The following HNRNPM variants were observed in gnomAD, a reference collection of about 807,000 sequenced individuals.
HNRNPM encodes heterogeneous nuclear ribonucleoprotein M, also known as CEA receptor.
A neutral mutation model predicts 73.1 loss-of-function variants in HNRNPM; 11 were observed. That is an observed-to-expected ratio of 0.15 (90% CI 0.09 to 0.25). The LOEUF is 0.25. HNRNPM is among the 10% of genes least tolerant of loss of function. The pLI, the probability that HNRNPM is intolerant of heterozygous loss-of-function variation, is 1.00. For missense variants in HNRNPM, 789 were observed against 1,067.9 expected (o/e 0.74, Z 3.64); for synonymous variants, 407 against 355.2 (o/e 1.15, Z -1.64).
At chr19:8,454,547 G>GTGTA (rs1339938285) in intron 1 of HNRNPM, among the ~76,000 whole-genome samples, 1 of 152,124 alleles carries the variant, frequency 6.6e-6, no homozygotes, top group African/African-American at 2.4e-5. Flanking sequence ...ATTGGCATAT[G>GTGTA]TGTATGAGTC....
intron 15 of HNRNPM, chr19:8,487,917 C>T (rs924068765): frequency 1.3e-5 from 2 of 152,496 alleles, no homozygotes; most frequent in Non-Finnish European, 2.9e-5. Flanking sequence ...TTTGCAATGC[C>T]TGGAGCGGCC....
At chr19:8,485,284 A>C (rs1404630327) in intron 13 of HNRNPM, among the ~76,000 whole-genome samples, 2 of 152,038 alleles carry the variant, frequency 1.3e-5, no homozygotes, top group Non-Finnish European at 1.5e-5. Context: ...GAAACCTCAG[A>C]TGTCTCAGGA....
In HNRNPM at chr19:8,466,334, C is replaced by T. The variant is rs951189809; in HGVS notation, c.730C>T (p.Arg244Cys). The part of the protein sequence containing the change: ...DILEDKDGKS[R>C]GIGTVTFEQS... ...TCTTGAAGATAAAGATGGAAAAAGT[C>T]GTGGAATAGGCACTGTTACTTTTGA... Residue 244 changes from arginine (R) to cysteine (C), a missense_variant, in exon 7 of 16, where the codon CGT (arginine) becomes TGT (cysteine). By Grantham distance (180) the Arg-to-Cys change is radical. This residue lies in a region of HNRNPM where 604 missense variants were observed against 744.0 expected (regional missense o/e 0.81). Transcript: ENST00000325495. 1.2e-6 allele frequency: 2 copies of T among 1,613,968 alleles called. No homozygotes were observed. The highest frequency in any genetic ancestry group is 1.7e-5 in the Admixed American group (1 of 59,994).
chr19:8,487,260 G>A (rs1265767015), intron 15 of HNRNPM, 185 bp downstream of exon 15: 3 of 645,702 alleles, frequency 4.6e-6, no homozygotes, highest in Admixed American at 5.3e-5. Flanking sequence ...ATGTTTTTCA[G>A]CTGTGTTCTC....
chr19:8,486,516 C>CCTTG lies in HNRNPM; in HGVS notation c.1977+113_1977+116dup, dbSNP rs1292100522. On this transcript the variant is annotated intron_variant, in intron 14 of 15. Transcript: ENST00000325495. ...GCGCCCTTCAAAGGGGACCACACCT[C>CCTTG]CTTGCCACTGTCCCAAACGTTTTAT... The CCTTG allele has an allele frequency of 4.2e-5, 36 of 864,468 alleles. 1 individual carries two copies. Among genetic ancestry groups the CCTTG allele is most frequent in the Non-Finnish European group, 4.6e-5 (26 of 570,870 alleles). The allele number at this position is 864,468 out of a possible 1,614,324, so 53.5% of individuals were successfully genotyped here. A position where few individuals can be genotyped will look rare whatever the true frequency, so the allele number is the denominator to read the frequency against.
chr19:8,468,456 T>C (rs971150167), intron 8 of HNRNPM, among the ~76,000 whole-genome samples: 11 of 152,150 alleles, frequency 7.2e-5, no homozygotes, highest in African/African-American at 2.4e-4. Context: ...ATAGAGTAGG[T>C]AAGTTTTTTG....
chr19:8,486,519 T>C (rs1456903303), intron 14 of HNRNPM, 114 bp downstream of exon 14: 1 of 850,414 alleles, frequency 1.2e-6, no homozygotes, highest in Non-Finnish European at 1.8e-6. Flanking sequence ...CACACCTCCT[T>C]GCCACTGTCC....
chr19:8,474,083 T>C (rs144818418), intron 11 of HNRNPM, 84 bp from the exon 12 acceptor site: 1 of 1,005,940 alleles, frequency 9.9e-7, no homozygotes, highest in East Asian at 2.8e-5. Flanking sequence ...ATACCCCAGT[T>C]GAAACATGTG....
At chr19:8,448,022 T>C (rs1968333881) in intron 1 of HNRNPM, among the ~76,000 whole-genome samples, 2 of 152,078 alleles carry the variant, frequency 1.3e-5, no homozygotes, top group African/African-American at 2.4e-5. Flanking sequence ...CGATACTCCT[T>C]CTTCAAACAA....
chr19:8,468,802 T>C lies in HNRNPM; in HGVS notation c.863T>C (p.Phe288Ser), dbSNP rs1347668358. 2.5e-6 allele frequency: 4 copies of C among 1,613,894 alleles called. No individual in the cohort carries two copies. Among genetic ancestry groups the C allele is most frequent in the Non-Finnish European group, 3.4e-6 (4 of 1,179,742 alleles). ...GAGAGGGCCTTACCAAAAGGAGATT[T>C]CTTCCCTCCTGAGCGTCCACAACAA... ...MDERALPKGDFFPPERPQQLP... is the reference protein window; with the variant it reads ...MDERALPKGDSFPPERPQQLP... The change falls in exon 9 of 16, where the codon TTC (phenylalanine) becomes TCC (serine). Residue 288 changes from phenylalanine to serine, a missense_variant. Around this residue, in one of 4 missense-constraint regions of HNRNPM, gnomAD observed 604 missense variants for 744.0 expected, o/e 0.81. Coordinates refer to ENST00000325495, the MANE Select transcript of HNRNPM (RefSeq NM_005968.5).
intron 12 of HNRNPM, among the ~76,000 whole-genome samples, chr19:8,479,493 GTCTC>G (rs954986256): frequency 3.3e-5 from 5 of 152,018 alleles, no homozygotes; most frequent in African/African-American, 9.7e-5. Context: ...TTTTAATACA[GTCTC>G]TCCCTGTCAT....
intron 13 of HNRNPM, among the ~76,000 whole-genome samples, chr19:8,484,793 G>A (rs562788357): frequency 1.5e-4 from 23 of 152,154 alleles, no homozygotes; most frequent in Non-Finnish European, 2.8e-4. Context: ...CCCCAAACTC[G>A]GCATGTGGAA....
chr19:8,457,203 G>A (rs1969084360), intron 2 of HNRNPM, among the ~76,000 whole-genome samples: 1 of 152,132 alleles, frequency 6.6e-6, no homozygotes, highest in South Asian at 2.1e-4. Context: ...AACCAGTTTT[G>A]GGACATGCTG....
At chr19:8,480,794 G>C (rs940789014) in intron 12 of HNRNPM, among the ~76,000 whole-genome samples, 4 of 152,172 alleles carry the variant, frequency 2.6e-5, no homozygotes, top group Non-Finnish European at 5.9e-5. Flanking sequence ...GAGTGGCACA[G>C]AGAGGTGGAT....
Position 8,483,197 on chromosome 19 carries a change from C to T in HNRNPM, c.1160C>T (p.Ala387Val). Residue 387 changes from alanine (A) to valine (V), a missense_variant, in exon 13 of 16, where the codon GCA becomes GTA. Coordinates refer to ENST00000325495, the MANE Select transcript of HNRNPM (RefSeq NM_005968.5). Reference protein sequence around the residue: ...SNALKRGEIIAKQGGGGGGGS... With the variant: ...SNALKRGEIIVKQGGGGGGGS... Reference sequence around the variant, plus strand: ...GCACTGAAGAGAGGAGAGATCATTGCAAAGCAGGGAGGAGGTAGGAACCGC... The same window carrying T: ...GCACTGAAGAGAGGAGAGATCATTGTAAAGCAGGGAGGAGGTAGGAACCGC... 6.2e-7 allele frequency: 1 copy of T among 1,612,194 alleles called. No individual in the cohort carries two copies. Among genetic ancestry groups the T allele is most frequent in the Non-Finnish European group, 8.5e-7 (1 of 1,178,668 alleles).
At chr19:8,458,087 TA>T (rs1969145563) in intron 2 of HNRNPM, among the ~76,000 whole-genome samples, 1 of 152,182 alleles carries the variant, frequency 6.6e-6, no homozygotes, top group African/African-American at 2.4e-5. Context: ...AGAACTAAAG[TA>T]GCTAGCTTTG....
chr19:8,468,164 G>A (rs931931537), intron 8 of HNRNPM, among the ~76,000 whole-genome samples: 9 of 152,192 alleles, frequency 5.9e-5, no homozygotes, highest in Admixed American at 4.6e-4. Flanking sequence ...CAAGTGATCC[G>A]TTTCAAAGAA....
chr19:8,462,727 T>C lies in HNRNPM; in HGVS notation c.336+146T>C. On this transcript the variant is annotated intron_variant, in intron 3 of 15. Transcript: ENST00000325495. This position sits in a 1 kb window ranked among gnomAD's most constrained non-coding sequence, Gnocchi z 4.5. ...GATTTTGCCAAACATTTGAGTGGGG[T>C]GGGAGGGGATTTGCAAATGGGAGTC... is the stretch of plus-strand genomic sequence containing the variant. 1.4e-6 allele frequency: 1 copy of C among 724,672 alleles called. No homozygotes were observed. Among genetic ancestry groups the C allele is most frequent in the Admixed American group, 2.1e-5 (1 of 47,310 alleles). The allele number at this position is 724,672 out of a possible 1,614,324, so 44.9% of individuals were successfully genotyped here.
chr19:8,463,697 G>C lies in HNRNPM; in HGVS notation c.438+11G>C, dbSNP rs1192445600. The C allele has an allele frequency of 7.1e-6, 11 of 1,542,880 alleles. No individual in the cohort carries two copies. Among genetic ancestry groups the C allele is most frequent in the Non-Finnish European group, 9.9e-6 (11 of 1,115,646 alleles). On this transcript the variant is annotated intron_variant, in intron 5 of 15. Transcript: ENST00000325495. The stretch of plus-strand genomic sequence containing the variant: ...CTGAAAGTCAAAGAAGTAAGCTCTT[G>C]CTTAACACTGCGGATACTGTGTGTA...
Sources: gnomAD v4.1 joint callset for allele counts (sites outside exome capture counted in the v4.1 genomes callset) on GRCh38, gnomAD v4.1.1 for gene constraint, gnomAD v4.1.1 regional missense constraint, Gnocchi (gnomAD v3.1) non-coding constraint, MANE v1.5 for transcripts, NCBI Gene and HGNC (gene_info 2026-07-23, HGNC 2026-07-21) for gene names.